The following CEP295 variants were observed in gnomAD, a reference collection of about 807,000 sequenced individuals.
CEP295 encodes centrosomal protein of 295 kDa.
In CEP295, 190 loss-of-function variants were observed where a neutral mutation model predicts 291.6. That is an observed-to-expected ratio of 0.65 (90% CI 0.58 to 0.73). CEP295 has a LOEUF of 0.73. Ranked by LOEUF, CEP295 falls within the 30% of genes least tolerant of loss-of-function variation. The pLI is 0.00. For missense variants in CEP295, 2,863 were observed against 2,949.4 expected, an observed-to-expected ratio of 0.97 and a Z score of 0.68; for synonymous variants, 993 against 1,038.8, an observed-to-expected ratio of 0.96 and a Z score of 0.85.
Position 93,729,876 on chromosome 11 carries a change from CTG to C in CEP295, c.7577_7578del (p.Val2526GlufsTer8). 4 of 1,546,850 alleles carry C rather than the reference CTG, an allele frequency of 2.6e-6. No individual in the cohort carries two copies. The highest frequency in any genetic ancestry group is 1.2e-5 in the South Asian group (1 of 82,962). On this transcript the variant is annotated frameshift_variant, in exon 28 of 30. Transcript: ENST00000325212. LOFTEE classifies it high-confidence loss of function. ...TTCACTTTTCTTTCCTCAGGTTCAT[CTG>C]TGAGTCGTCTAAAGGGCGTGAATAA...
At chr11:93,720,798 T>A (rs1953657030) in intron 18 of CEP295, among the ~76,000 whole-genome samples, 2 of 152,176 alleles carry the variant, frequency 1.3e-5, no homozygotes, top group South Asian at 4.1e-4. Flanking sequence ...GGTTTCACTG[T>A]GTTGCCTAGG....
Position 93,730,225 on chromosome 11 carries a change from C to T in CEP295, c.7768-6C>T, listed in dbSNP as rs1938257797. 2 of 1,551,138 alleles carry T rather than the reference C, an allele frequency of 1.3e-6. No individual in the cohort carries two copies. Among genetic ancestry groups the T allele is most frequent in the Non-Finnish European group, 1.7e-6 (2 of 1,146,806 alleles). On this transcript the variant is annotated splice_region_variant and splice_polypyrimidine_tract_variant and intron_variant, in intron 29 of 29. Transcript: ENST00000325212. The stretch of plus-strand genomic sequence containing the variant: ...ACTGAAACTCAAATTTTTATTCCTT[C>T]CACAGAAAACACTAGAGAAACTTCG...
chr11:93,684,236 G>A, intron 9 of CEP295, 108 bp downstream of exon 9: 1 of 814,860 alleles, frequency 1.2e-6, no homozygotes, highest in South Asian at 1.9e-5. Flanking sequence ...CAAGCAATGA[G>A]TAATACTGAT....
At chr11:93,714,899 C>G (rs933158182) in intron 18 of CEP295, among the ~76,000 whole-genome samples, 1 of 152,146 alleles carries the variant, frequency 6.6e-6, no homozygotes, top group Non-Finnish European at 1.5e-5. Flanking sequence ...AGGGGTGACA[C>G]AAGCACCCCT....
At chr11:93,672,140 C>T (rs1186085684) in intron 5 of CEP295, among the ~76,000 whole-genome samples, 1 of 152,122 alleles carries the variant, frequency 6.6e-6, no homozygotes, top group African/African-American at 2.4e-5. Context: ...AGTGCGATAA[C>T]CAGAGTTTAT....
At chr11:93,681,600 G>A (rs1300369576) in intron 7 of CEP295, among the ~76,000 whole-genome samples, 1 of 151,380 alleles carries the variant, frequency 6.6e-6, no homozygotes, top group Non-Finnish European at 1.5e-5. Flanking sequence ...ATTTTTAGTA[G>A]AGACAGGGTT....
In CEP295 at chr11:93,692,456, C is replaced by A. The variant is rs1197164135; in HGVS notation, c.1533+426C>A. Among the ~76,000 whole-genome samples, 3 of 152,098 alleles carry A rather than the reference C, an allele frequency of 2.0e-5. No homozygotes were observed. In the East Asian group the frequency reaches 5.8e-4, roughly 29 times the overall value. On this transcript the variant is annotated intron_variant, in intron 12 of 29. Coordinates refer to ENST00000325212, the MANE Select transcript of CEP295 (RefSeq NM_033395.2). ...ACAAGTTTTTTGAAAAATAATACTTCAGAGGAAAAACTTTTAATATACAGC... is the reference window on the plus strand; with the variant it reads ...ACAAGTTTTTTGAAAAATAATACTTAAGAGGAAAAACTTTTAATATACAGC...
At position 93,723,168 on chromosome 11, in the gene CEP295, C is replaced by T. The variant is rs377347232; in HGVS notation, c.6075C>T (p.Asp2025=). 2.1e-4 allele frequency: 333 copies of T among 1,552,060 alleles called. 1 individual carries two copies. In the African/African-American group the frequency reaches 3.9e-3, roughly 18 times the overall value. The change falls in exon 21 of 30, where the codon GAC becomes GAT. Residue 2025 remains aspartate, a synonymous_variant. Transcript: ENST00000325212. The stretch of plus-strand genomic sequence containing the variant: ...TTTATCAGCGGCAGAACTCTTCAGA[C>T]GTTCATAAATCTCTGTTGCCTGCAG... The part of the protein sequence containing the change: ...QDIYQRQNSS[D]VHKSLLPAVD...
chr11:93,680,399 G>T (rs1269164727), intron 7 of CEP295, among the ~76,000 whole-genome samples: 1 of 152,226 alleles, frequency 6.6e-6, no homozygotes, highest in Non-Finnish European at 1.5e-5. Flanking sequence ...GAGCCCAAGA[G>T]TTCAAGACCA....
intron 18 of CEP295, among the ~76,000 whole-genome samples, chr11:93,714,649 A>G (rs1019284853): frequency 3.9e-4 from 59 of 152,112 alleles, no homozygotes; most frequent in African/African-American, 1.4e-3. Flanking sequence ...CAGTGTTGTG[A>G]TCTAAGTTTT....
intron 12 of CEP295, among the ~76,000 whole-genome samples, chr11:93,692,861 T>C (rs1951638357): frequency 6.7e-6 from 1 of 149,520 alleles, no homozygotes; most frequent in African/African-American, 2.5e-5. Context: ...TAGTCCCACC[T>C]ACCCAGGATG....
chr11:93,697,135 G>C lies in CEP295; in HGVS notation c.2223G>C (p.Arg741Ser). The C allele has an allele frequency of 1.3e-6, 2 of 1,551,852 alleles. No individual in the cohort carries two copies. The highest frequency in any genetic ancestry group is 8.7e-7 in the Non-Finnish European group (1 of 1,147,036). ...ETLSRALSHD[R>S]QLISQDARKI... ...TTTCAAGGGCTTTGTCACATGACAG[G>C]CAGCTAATATCACAGGATGCTAGAA... Residue 741 changes from arginine (R) to serine (S), a missense_variant, in exon 15 of 30, where the codon AGG becomes AGC. Transcript: ENST00000325212.
chr11:93,724,631 G>A (rs537018802), intron 22 of CEP295, among the ~76,000 whole-genome samples: 5 of 152,108 alleles, frequency 3.3e-5, no homozygotes, highest in Admixed American at 6.5e-5. Flanking sequence ...GCCAGGTGTC[G>A]TGGTGCGCAC....
At chr11:93,696,095 A>G (rs919294816) in intron 13 of CEP295, among the ~76,000 whole-genome samples, 1 of 152,188 alleles carries the variant, frequency 6.6e-6, no homozygotes, top group African/African-American at 2.4e-5. Context: ...TTTCTATAGG[A>G]TACTAATAGA....
At chr11:93,719,091 G>A (rs1056047997) in intron 18 of CEP295, among the ~76,000 whole-genome samples, 3 of 123,346 alleles carry the variant, frequency 2.4e-5, no homozygotes, top group Non-Finnish European at 3.5e-5. Flanking sequence ...CTGGGTGACA[G>A]TGAGACTCCG....
rs1937832011 is a variant in CEP295 at position 93,728,885 on chromosome 11, A to AAGCAAATAAGTACCT, written c.7302+65_7302+66insGCAAATAAGTACCTA. 4 of 1,394,316 alleles carry AAGCAAATAAGTACCT rather than the reference A, an allele frequency of 2.9e-6. No homozygotes were observed. In the African/African-American group the frequency reaches 5.8e-5, roughly 20 times the overall value. 86.4% of individuals were successfully genotyped at this position (1,394,316 alleles called of 1,614,324 possible). ...GCAAACCAGTTGATTTGTCTCTTAC[A>AAGCAAATAAGTACCT]ACTTATCAGAAGGTACTCATTGGAG... On this transcript the variant is annotated intron_variant, in intron 25 of 29. Transcript: ENST00000325212.
At chr11:93,664,554 T>C (rs1190233945) in intron 1 of CEP295, among the ~76,000 whole-genome samples, 1 of 152,250 alleles carries the variant, frequency 6.6e-6, no homozygotes, top group Non-Finnish European at 1.5e-5. Flanking sequence ...TAGAGTCTTA[T>C]TGAAGGTTGT....
Position 93,730,113 on chromosome 11 carries a change from GC to G in CEP295, c.7735del (p.Gln2579LysfsTer14). On this transcript the variant is annotated frameshift_variant, in exon 29 of 30. Coordinates refer to ENST00000325212, the MANE Select transcript of CEP295 (RefSeq NM_033395.2). LOFTEE classifies it high-confidence loss of function. ...AGAAAAAACAAAACAAGAAGCTTAT[GC>G]CCAAAACAGAGCAAGGGCAAAAGAA... is the stretch of plus-strand genomic sequence containing the variant. ...KEEKTKQEAY[A>X]QNRARAKEFH... 2 of 1,551,004 alleles carry G rather than the reference GC, an allele frequency of 1.3e-6. No homozygotes were observed. The highest frequency in any genetic ancestry group is 1.7e-6 in the Non-Finnish European group (2 of 1,146,844).
chr11:93,691,630 T>C (rs1236238979), intron 10 of CEP295, 53 bp from the exon 11 acceptor site: 3 of 1,223,326 alleles, frequency 2.5e-6, no homozygotes, highest in African/African-American at 1.5e-5. Context: ...TATTTTGCTT[T>C]AAGTTTGACA....
Sources: gnomAD v4.1 joint callset for allele counts (sites outside exome capture counted in the v4.1 genomes callset) on GRCh38, gnomAD v4.1.1 for gene constraint, MANE v1.5 for transcripts, NCBI Gene and HGNC (gene_info 2026-07-23, HGNC 2026-07-21) for gene names.